SLC4A8: variants seen among roughly 807,000 people sequenced by gnomAD.
SLC4A8 encodes electroneutral sodium bicarbonate exchanger 1.
A neutral mutation model predicts 125.0 loss-of-function variants in SLC4A8; 40 were observed. The observed-to-expected ratio is 0.32, with a 90% CI of 0.25 to 0.42. The LOEUF (loss-of-function observed/expected upper bound fraction) is 0.42. Ranked by LOEUF, SLC4A8 falls within the 10% of genes least tolerant of loss-of-function variation. SLC4A8 has a pLI of 1.00. For missense variants in SLC4A8, 863 were observed against 1,355.1 expected, an observed-to-expected ratio of 0.64 and a Z score of 5.70; for synonymous variants, 456 against 476.0, an observed-to-expected ratio of 0.96 and a Z score of 0.55.
chr12:51,490,582 A>G (rs1337696795), intron 19 of SLC4A8, among the ~76,000 whole-genome samples: 1 of 143,398 alleles, frequency 7.0e-6, no homozygotes, highest in Non-Finnish European at 1.6e-5. Flanking sequence ...AAAAAAAAAA[A>G]AAGATGAGGT....
intron 19 of SLC4A8, among the ~76,000 whole-genome samples, chr12:51,492,304 C>T (rs896538918): frequency 3.3e-5 from 5 of 152,062 alleles, no homozygotes; most frequent in African/African-American, 1.2e-4. Flanking sequence ...GCCTGTACCA[C>T]AAATGCCCTT....
chr12:51,408,943 C>T (rs1247076199), intron 1 of SLC4A8, among the ~76,000 whole-genome samples: 1 of 152,014 alleles, frequency 6.6e-6, no homozygotes, highest in Admixed American at 6.6e-5. Context: ...TTTTTGCTTG[C>T]CCATTAATTA....
intron 1 of SLC4A8, among the ~76,000 whole-genome samples, chr12:51,433,884 G>GTTTTTTTTTTTTTTTTTTTT (rs1565772495): frequency 6.9e-5 from 5 of 72,202 alleles, no homozygotes; most frequent in Non-Finnish European, 8.4e-5. Flanking sequence ...TTTTTGGTTG[G>GTTTTTTTTTTTTTTTTTTTT]TTTTTTTTTG....
At chr12:51,396,761 A>AT in intron 1 of SLC4A8, among the ~76,000 whole-genome samples, 1 of 151,534 alleles carries the variant, frequency 6.6e-6, no homozygotes, top group East Asian at 1.9e-4. Context: ...CCTCATACAT[A>AT]TTTTTCTGTA....
upstream of SLC4A8, chr12:51,424,817 G>T (rs1592159315): frequency 7.8e-6 from 5 of 641,370 alleles, no homozygotes; most frequent in East Asian, 1.6e-4. Flanking sequence ...CTGATTGGTT[G>T]CGGCGGATGC....
chr12:51,479,502 C>T (rs1178152602), intron 16 of SLC4A8, among the ~76,000 whole-genome samples: 1 of 151,980 alleles, frequency 6.6e-6, no homozygotes, highest in Admixed American at 6.5e-5. Context: ...GTCTGGCCAA[C>T]ATGGTGAAAC....
In SLC4A8 at chr12:51,448,983, G is replaced by T. The variant is rs144669701; in HGVS notation, c.131-1893G>T. ...AGAAGTCAGGAGAAACCTATGGCAG[G>T]GATGGATGGAAAGGAGAGACTGAGG... On this transcript the variant is annotated intron_variant, in intron 2 of 24. Transcript: ENST00000453097. Among the ~76,000 whole-genome samples the T allele has an allele frequency of 1.6e-3, 246 of 152,296 alleles. 1 individual carries two copies. The highest frequency in any genetic ancestry group is 5.8e-3 in the African/African-American group (241 of 41,558).
intron 1 of SLC4A8, among the ~76,000 whole-genome samples, chr12:51,408,485 C>T (rs1227105544): frequency 6.6e-6 from 1 of 152,122 alleles, no homozygotes; most frequent in Non-Finnish European, 1.5e-5. Flanking sequence ...GATCCACCCA[C>T]CTTGGCTTCC....
intron 1 of SLC4A8, among the ~76,000 whole-genome samples, chr12:51,403,910 G>A (rs941119956): frequency 2.0e-5 from 3 of 152,276 alleles, no homozygotes; most frequent in African/African-American, 7.2e-5. Context: ...ACATTAGGAT[G>A]CTTGCTTGAC....
chr12:51,476,999 C>T (rs1950877053), intron 16 of SLC4A8, among the ~76,000 whole-genome samples: 1 of 151,304 alleles, frequency 6.6e-6, no homozygotes, highest in Admixed American at 6.6e-5. Flanking sequence ...CCTCTGCCTC[C>T]CGGGTTCAAG....
At chr12:51,443,651 A>G (rs960716861) in intron 2 of SLC4A8, among the ~76,000 whole-genome samples, 2 of 152,126 alleles carry the variant, frequency 1.3e-5, no homozygotes, top group Non-Finnish European at 2.9e-5. Flanking sequence ...GCCTTCTAAT[A>G]CGTTTTTAAC....
upstream of SLC4A8, among the ~76,000 whole-genome samples, chr12:51,420,992 T>G (rs1180140906): frequency 6.6e-6 from 1 of 152,162 alleles, no homozygotes; most frequent in African/African-American, 2.4e-5. Context: ...CCATGTAGCA[T>G]GCCTCTCTGC....
intron 1 of SLC4A8, among the ~76,000 whole-genome samples, chr12:51,428,228 C>T (rs973997480): frequency 1.3e-5 from 2 of 152,124 alleles, no homozygotes; most frequent in African/African-American, 4.8e-5. Flanking sequence ...TAAGATGGTC[C>T]TGTTTTATTT....
intron 1 of SLC4A8, among the ~76,000 whole-genome samples, chr12:51,436,052 G>T (rs1284408133): frequency 1.3e-5 from 2 of 152,036 alleles, no homozygotes; most frequent in Admixed American, 6.6e-5. Flanking sequence ...AAATAAAAAC[G>T]CATTGTATAT....
chr12:51,503,743 C>T (rs1295143306), intron 22 of SLC4A8, among the ~76,000 whole-genome samples: 1 of 152,106 alleles, frequency 6.6e-6, no homozygotes, highest in Non-Finnish European at 1.5e-5. Context: ...CCCTTGGTGT[C>T]ATTTAAAATG....
chr12:51,497,564 A>AAT, intron 22 of SLC4A8: 1 of 155,658 alleles, frequency 6.4e-6, no homozygotes, highest in Non-Finnish European at 1.4e-5. Flanking sequence ...CATTTCCCTC[A>AAT]GCACTTGGCA....
chr12:51,474,231 G>A, intron 14 of SLC4A8, 111 bp from the exon 15 acceptor site: 1 of 628,628 alleles, frequency 1.6e-6, no homozygotes, highest in Non-Finnish European at 2.8e-6. Context: ...TCTGAAGTAT[G>A]CAAAGAAGCA....
Position 51,474,324 on chromosome 12 carries a change from T to C in SLC4A8, c.1905-18T>C, listed in dbSNP as rs1208467050. On this transcript the variant is annotated intron_variant, in intron 14 of 24. Coordinates refer to ENST00000453097, the MANE Select transcript of SLC4A8 (RefSeq NM_001039960.3). ...TTTGGCTGTTTTCCTCAGGAATCTTTTTAATTTTTCCCCTCAGCTGCAGGT... is the reference window on the plus strand; with the variant it reads ...TTTGGCTGTTTTCCTCAGGAATCTTCTTAATTTTTCCCCTCAGCTGCAGGT... 1.3e-6 allele frequency: 2 copies of C among 1,515,010 alleles called. No individual in the cohort carries two copies. The highest frequency in any genetic ancestry group is 2.3e-5 in the East Asian group (1 of 43,616). The allele number at this position is 1,515,010 out of a possible 1,614,324, so 93.8% of individuals were successfully genotyped here.
intron 22 of SLC4A8, among the ~76,000 whole-genome samples, chr12:51,498,393 C>T (rs1198878660): frequency 6.6e-6 from 1 of 151,966 alleles, no homozygotes; most frequent in African/African-American, 2.4e-5. Context: ...AAATTTCATT[C>T]TCACTAATAA....
Sources: allele counts gnomAD v4.1 joint callset (sites outside exome capture counted in the v4.1 genomes callset), GRCh38; gene constraint gnomAD v4.1.1; transcripts MANE v1.5; gene names NCBI Gene and HGNC (gene_info 2026-07-23, HGNC 2026-07-21).